Variants in TAF4 observed in about 807,000 individuals in gnomAD.
The protein encoded by TAF4 is TATA-box binding protein associated factor 4, also known as transcription initiation factor TFIID subunit 4.
TAF4 carries 9 observed loss-of-function variants against 90.3 expected under a neutral mutation model. The observed-to-expected ratio is 0.10, with a 90% CI of 0.06 to 0.17. TAF4 has a LOEUF of 0.17. TAF4 is among the 10% of genes least tolerant of loss of function. TAF4 has a pLI of 1.00. For synonymous variants in TAF4, 818 were observed against 638.9 expected (o/e 1.28, Z -4.23); for missense variants, 1,351 against 1,370.7 (o/e 0.99, Z 0.23).
rs138396751 is a variant in TAF4 at position 62,020,972 on chromosome 20, C to A, written c.1361-6265G>T. Among the ~76,000 whole-genome samples, 832 of 152,306 alleles carry A rather than the reference C, an allele frequency of 5.5e-3. 5 individuals carry two copies. Among genetic ancestry groups the A allele is most frequent in the Admixed American group, 8.2e-3 (125 of 15,302 alleles). ...AAGGAGGCGCACACCAGCCTCACCACAGAAGCCAGACCACTGGGAAGGAAA... is the reference window on the plus strand; with the variant it reads ...AAGGAGGCGCACACCAGCCTCACCAAAGAAGCCAGACCACTGGGAAGGAAA... On this transcript the variant is annotated intron_variant, in intron 1 of 14. Coordinates refer to ENST00000252996, the MANE Select transcript of TAF4 (RefSeq NM_003185.4).
In TAF4 at chr20:61,976,137, T is replaced by C. The variant is rs1435570701; in HGVS notation, c.*31A>G. 1.2e-6 allele frequency: 2 copies of C among 1,608,256 alleles called. No homozygotes were observed. The highest frequency in any genetic ancestry group is 1.7e-6 in the Non-Finnish European group (2 of 1,175,226). ...GTTACAAAAAGGCGTAATCTGCAAATATATAAAAAGTCCCCAGGCGTCCTC... is the reference window on the plus strand; with the variant it reads ...GTTACAAAAAGGCGTAATCTGCAAACATATAAAAAGTCCCCAGGCGTCCTC... On this transcript the variant is annotated 3_prime_UTR_variant, in exon 15 of 15. Transcript: ENST00000252996.
At chr20:62,034,352 C>G (rs1006504030) in intron 1 of TAF4, among the ~76,000 whole-genome samples, 1 of 152,168 alleles carries the variant, frequency 6.6e-6, no homozygotes, top group African/African-American at 2.4e-5. Context: ...AGACAAGGGT[C>G]TCATTCTGTC....
At chr20:62,044,147 AT>A (rs1030158017) in intron 1 of TAF4, among the ~76,000 whole-genome samples, 5 of 152,122 alleles carry the variant, frequency 3.3e-5, no homozygotes, top group African/African-American at 7.2e-5. Flanking sequence ...TTCCAAAATT[AT>A]TTTTTTTAAG....
chr20:61,985,652 A>T (rs2055583842), intron 14 of TAF4, among the ~76,000 whole-genome samples: 1 of 150,594 alleles, frequency 6.6e-6, no homozygotes, highest in Admixed American at 6.6e-5. Context: ...ACTGTGGGGG[A>T]TGAGAACCAG....
chr20:62,049,841 G>A (rs1159675534), intron 1 of TAF4, among the ~76,000 whole-genome samples: 1 of 152,138 alleles, frequency 6.6e-6, no homozygotes, highest in Non-Finnish European at 1.5e-5. Flanking sequence ...CTCGTCCCTA[G>A]GCAGGTTTCA....
intron 1 of TAF4, among the ~76,000 whole-genome samples, chr20:62,039,879 G>C (rs1312884620): frequency 6.6e-6 from 1 of 152,192 alleles, no homozygotes; most frequent in Non-Finnish European, 1.5e-5. Flanking sequence ...AGGCAAATGA[G>C]CAAATAAGCT....
intron 14 of TAF4, among the ~76,000 whole-genome samples, chr20:61,982,651 C>G (rs112621646): frequency 1.8e-5 from 1 of 55,624 alleles, no homozygotes; most frequent in African/African-American, 7.5e-5. Context: ...CACACCCACC[C>G]GAGAGGAGAC....
chr20:62,012,791 G>C (rs1403783477), intron 3 of TAF4, 24 bp downstream of exon 3: 1 of 1,600,016 alleles, frequency 6.2e-7, no homozygotes, highest in African/African-American at 1.3e-5. Context: ...GCAGCCTCAA[G>C]AGATCCGCCG....
Position 62,065,489 on chromosome 20 carries a change from G to A in TAF4, c.322C>T (p.Pro108Ser), listed in dbSNP as rs1157250609. ...GGGACAAGGGGGCGGCGCGGTGAGG[G>A]GGGGCCCGGGCGCTGCGGCCCCCCG... ...GGGGPQRPGP[P>S]SPRRPLVPAG... Residue 108 changes from proline to serine, a missense_variant, in exon 1 of 15, where the codon CCC (proline) becomes TCC (serine). Pro to Ser is a moderately conservative substitution (Grantham distance 74). Transcript: ENST00000252996. 1.9e-5 allele frequency: 18 copies of A among 971,390 alleles called. No homozygotes were observed. The highest frequency in any genetic ancestry group is 2.2e-5 in the Non-Finnish European group (18 of 820,398). 60.2% of individuals were successfully genotyped at this position (971,390 alleles called of 1,614,324 possible).
intron 1 of TAF4, among the ~76,000 whole-genome samples, chr20:62,059,002 T>TC (rs2145522107): frequency 6.6e-6 from 1 of 152,166 alleles, no homozygotes; most frequent in East Asian, 1.9e-4. Context: ...GGCCAACCTC[T>TC]CCAGTCCCCA....
At chr20:62,035,527 G>A (rs1568938384) in intron 1 of TAF4, among the ~76,000 whole-genome samples, 1 of 152,162 alleles carries the variant, frequency 6.6e-6, no homozygotes, top group Non-Finnish European at 1.5e-5. Context: ...AATGAAAATG[G>A]AGCTCTAACT....
intron 11 of TAF4, 100 bp from the exon 12 acceptor site, chr20:61,999,208 C>A: frequency 1.4e-6 from 2 of 1,474,272 alleles, no homozygotes; most frequent in Non-Finnish European, 1.8e-6. Context: ...AACGCCCTCC[C>A]TCCGTCCAGT....
intron 1 of TAF4, among the ~76,000 whole-genome samples, chr20:62,057,478 G>T (rs186527057): frequency 1.1e-3 from 166 of 152,358 alleles, no homozygotes; most frequent in African/African-American, 3.8e-3. Context: ...GTCCCTCCAA[G>T]ATCCATGTAC....
chr20:61,998,536 A>G (rs1298981630), intron 12 of TAF4, among the ~76,000 whole-genome samples: 1 of 152,220 alleles, frequency 6.6e-6, no homozygotes, highest in Non-Finnish European at 1.5e-5. Flanking sequence ...GGGACGGGAC[A>G]GCCTGTGGCT....
At chr20:62,039,105 A>C (rs2055949874) in intron 1 of TAF4, among the ~76,000 whole-genome samples, 1 of 152,166 alleles carries the variant, frequency 6.6e-6, no homozygotes, top group Non-Finnish European at 1.5e-5. Flanking sequence ...TTTTTGTAGA[A>C]GTTGACGAAC....
chr20:62,013,783 A>T (rs2055793435), intron 2 of TAF4, among the ~76,000 whole-genome samples: 1 of 152,216 alleles, frequency 6.6e-6, no homozygotes, highest in Non-Finnish European at 1.5e-5. Context: ...GGTGACAGTC[A>T]TGGGGCCAGA....
intron 7 of TAF4, chr20:62,005,635 AG>A (rs756818398): frequency 4.6e-5 from 7 of 152,272 alleles, no homozygotes; most frequent in Non-Finnish European, 8.8e-5. Context: ...ACAGGCGCTC[AG>A]CCCTTCCCTG....
intron 1 of TAF4, among the ~76,000 whole-genome samples, chr20:62,038,586 C>T (rs1224451815): frequency 6.6e-6 from 1 of 152,152 alleles, no homozygotes; most frequent in Non-Finnish European, 1.5e-5. Flanking sequence ...ATAAATTTAA[C>T]AAAGTATGTT....
chr20:62,014,751 G>A (rs1466263040), intron 1 of TAF4, 44 bp from the exon 2 acceptor site: 2 of 1,600,192 alleles, frequency 1.2e-6, no homozygotes, highest in South Asian at 1.1e-5. Context: ...AACCACCCCA[G>A]AGCCATGAGG....
Sources: gnomAD v4.1 joint callset for allele counts (sites outside exome capture counted in the v4.1 genomes callset) on GRCh38, gnomAD v4.1.1 for gene constraint, MANE v1.5 for transcripts, NCBI Gene and HGNC (gene_info 2026-07-23, HGNC 2026-07-21) for gene names.